Variants in ENTREP2 observed in about 807,000 individuals in gnomAD.
ENTREP2 encodes the protein endosomal transmembrane epsin interactor 2.
chr15:29,423,810 A>C, the ENTREP2 span, among the ~76,000 whole-genome samples: 1 of 149,910 alleles, frequency 6.7e-6, no homozygotes, highest in Non-Finnish European at 1.5e-5. Flanking sequence ...AAAAAATTTG[A>C]TTTTTTTCTA....
At chr15:29,217,644 A>G in the ENTREP2 span, among the ~76,000 whole-genome samples, 4 of 151,722 alleles carry the variant, frequency 2.6e-5, no homozygotes, top group Non-Finnish European at 5.9e-5. Context: ...TTCCATGAAT[A>G]TTTCTCCCTT....
At chr15:29,567,571 T>C in the ENTREP2 span, among the ~76,000 whole-genome samples, 2 of 152,152 alleles carry the variant, frequency 1.3e-5, no homozygotes, top group South Asian at 2.1e-4. Flanking sequence ...CAAGATTTCT[T>C]GAGGCTTTGG....
At chr15:29,525,471 A>G in the ENTREP2 span, among the ~76,000 whole-genome samples, 1 of 152,254 alleles carries the variant, frequency 6.6e-6, no homozygotes, top group Non-Finnish European at 1.5e-5. Context: ...CTAAATGTTA[A>G]GAAAATAGAC....
chr15:29,588,562 GA>G, the ENTREP2 span, among the ~76,000 whole-genome samples: 10 of 98,802 alleles, frequency 1.0e-4, no homozygotes, highest in Admixed American at 1.2e-3. Flanking sequence ...GAGAGAGAGA[GA>G]GAGAAGGAGA....
At chr15:29,279,502 C>T in the ENTREP2 span, among the ~76,000 whole-genome samples, 3 of 151,980 alleles carry the variant, frequency 2.0e-5, no homozygotes, top group Non-Finnish European at 4.4e-5. Flanking sequence ...GTAGCTGGGA[C>T]TACATGCGCA....
chr15:29,503,660 G>A, the ENTREP2 span, among the ~76,000 whole-genome samples: 3 of 152,260 alleles, frequency 2.0e-5, no homozygotes, highest in East Asian at 5.8e-4. Flanking sequence ...CTATGCTAGA[G>A]CAAGTAAAGC....
At chr15:29,274,591 C>T in the ENTREP2 span, among the ~76,000 whole-genome samples, 5 of 152,168 alleles carry the variant, frequency 3.3e-5, no homozygotes, top group Non-Finnish European at 7.4e-5. Flanking sequence ...TACCCAGTAC[C>T]TAGCACAGTG....
the ENTREP2 span, among the ~76,000 whole-genome samples, chr15:29,635,043 C>A: frequency 6.6e-6 from 1 of 152,122 alleles, no homozygotes; most frequent in Non-Finnish European, 1.5e-5. Context: ...CGGGGTTTCA[C>A]CGTGTTAGCC....
the ENTREP2 span, among the ~76,000 whole-genome samples, chr15:29,473,754 T>C: frequency 6.6e-6 from 1 of 152,184 alleles, no homozygotes; most frequent in Admixed American, 6.5e-5. Flanking sequence ...TGTCCTCAGT[T>C]CAAGAAACCG....
the ENTREP2 span, among the ~76,000 whole-genome samples, chr15:29,330,431 A>C: frequency 7.2e-5 from 11 of 152,142 alleles, no homozygotes; most frequent in African/African-American, 2.4e-5. Flanking sequence ...CCTGGGCGAC[A>C]GAGCGAGACT....
chr15:29,273,356 G>A, the ENTREP2 span, among the ~76,000 whole-genome samples: 32 of 151,850 alleles, frequency 2.1e-4, no homozygotes, highest in Non-Finnish European at 3.8e-4. Context: ...GTACCACCAC[G>A]TCTGGCTTTT....
At chr15:29,657,475 TGGGGGGGCGGGG>T in the ENTREP2 span, among the ~76,000 whole-genome samples, 3 of 3,808 alleles carry the variant, frequency 7.9e-4, no homozygotes, top group South Asian at 0.037. Flanking sequence ...CGCTGTCGGC[TGGGGGGGCGGGG>T]GGGGGGGGTG....
the ENTREP2 span, among the ~76,000 whole-genome samples, chr15:29,305,802 A>C: frequency 6.6e-6 from 1 of 152,228 alleles, no homozygotes; most frequent in Non-Finnish European, 1.5e-5. Flanking sequence ...TCTGGAGCCC[A>C]AAAAAGAAGC....
At chr15:29,643,853 A>G in the ENTREP2 span, among the ~76,000 whole-genome samples, 53 of 152,208 alleles carry the variant, frequency 3.5e-4, 1 homozygote, top group African/African-American at 1.3e-3. Flanking sequence ...ACTGATGAGA[A>G]TGTAAATTGG....
the ENTREP2 span, among the ~76,000 whole-genome samples, chr15:29,589,889 G>A: frequency 1.3e-5 from 2 of 152,152 alleles, no homozygotes; most frequent in African/African-American, 2.4e-5. Context: ...GATTATACAC[G>A]GGATTGTTGT....
At chr15:29,472,798 T>C in the ENTREP2 span, among the ~76,000 whole-genome samples, 1 of 152,230 alleles carries the variant, frequency 6.6e-6, no homozygotes, top group East Asian at 1.9e-4. Context: ...ATTTTATAAA[T>C]TAGTGTAATA....
chr15:29,151,464 A>G, the ENTREP2 span, among the ~76,000 whole-genome samples: 14 of 152,214 alleles, frequency 9.2e-5, no homozygotes, highest in Non-Finnish European at 2.1e-4. Flanking sequence ...ATTTCACTAC[A>G]TGACTCAAGG....
chr15:29,258,322 C>G, the ENTREP2 span, among the ~76,000 whole-genome samples: 43 of 151,266 alleles, frequency 2.8e-4, no homozygotes, highest in South Asian at 9.0e-3. Flanking sequence ...TGTAAATAAA[C>G]TGGCCTGCAC....
chr15:29,182,485 G>C, the ENTREP2 span, among the ~76,000 whole-genome samples: 1 of 151,876 alleles, frequency 6.6e-6, no homozygotes, highest in African/African-American at 2.4e-5. Flanking sequence ...TGACACCTAG[G>C]AATATATATT....
Sources: allele counts gnomAD v4.1 joint callset (sites outside exome capture counted in the v4.1 genomes callset), GRCh38; gene constraint gnomAD v4.1.1; transcripts MANE v1.5; gene names NCBI Gene and HGNC (gene_info 2026-07-23, HGNC 2026-07-21).